The following PLAGL1 variants were observed in gnomAD, a reference collection of about 807,000 sequenced individuals.
The protein encoded by PLAGL1 is zinc finger protein PLAGL1.
PLAGL1 carries 1 observed loss-of-function variant against 4.6 expected under a neutral mutation model. That is an observed-to-expected ratio of 0.22 (90% CI 0.08 to 1.03). PLAGL1 has a LOEUF of 1.03. Ranked by LOEUF, PLAGL1 falls within the 50% of genes least tolerant of loss-of-function variation. The pLI is 0.58. For synonymous variants in PLAGL1, 240 were observed against 237.8 expected (o/e 1.01, Z -0.08); for missense variants, 464 against 570.4 (o/e 0.81, Z 1.90).
rs1554263920 is a variant in PLAGL1 at position 143,985,982 on chromosome 6, T to TATATATATATATA, written c.-583-809_-583-808insTATATATATATAT. Reference sequence around the variant, plus strand: ...TATATCAAATTATATATATATAAAATTATATATATATATATATATATATAT... The same window carrying TATATATATATATA: ...TATATCAAATTATATATATATAAAATATATATATATATATATATATATATATATATATATATAT... On this transcript the variant is annotated intron_variant, in intron 1 of 7. Coordinates refer to ENST00000674357, the MANE Select transcript of PLAGL1 (RefSeq NM_001317162.2). The surrounding 1 kb of genome is among the most constrained non-coding windows in gnomAD (Gnocchi z 4.4). 4.5e-5 allele frequency among the ~76,000 whole-genome samples: 5 copies of TATATATATATATA among 111,576 alleles called. No homozygotes were observed. Among genetic ancestry groups the TATATATATATATA allele is most frequent in the Admixed American group, 2.7e-4 (3 of 11,024 alleles). 73.2% of individuals were successfully genotyped at this position (111,576 alleles called of 152,430 possible).
chr6:143,969,207 A>G (rs78953551), intron 2 of PLAGL1, among the ~76,000 whole-genome samples: 6 of 151,932 alleles, frequency 3.9e-5, no homozygotes, highest in African/African-American at 1.5e-4. Context: ...CTATACAGTG[A>G]TGTGGTTAAG....
intron 1 of PLAGL1, among the ~76,000 whole-genome samples, chr6:144,035,143 G>C (rs1797124460): frequency 6.6e-6 from 1 of 152,252 alleles, no homozygotes; most frequent in Non-Finnish European, 1.5e-5. Context: ...TAACTAATAG[G>C]ATAGATGTAT....
Position 144,015,300 on chromosome 6 carries a change from T to A in PLAGL1, c.-150-46322A>T, listed in dbSNP as rs147728252. ...TTTTTAAAACGTGGCTACTGGAACATTTTAAATTACCTATCTAGCTTACAT... is the reference window on the plus strand; with the variant it reads ...TTTTTAAAACGTGGCTACTGGAACAATTTAAATTACCTATCTAGCTTACAT... On this transcript the variant is annotated intron_variant, in intron 1 of 3. Transcript: ENST00000437412. The surrounding 1 kb of genome is among the most constrained non-coding windows in gnomAD (Gnocchi z 4.3). Among the ~76,000 whole-genome samples the A allele has an allele frequency of 0.011, 1,736 of 152,338 alleles. 10 individuals carry two copies. Among genetic ancestry groups the A allele is most frequent in the Non-Finnish European group, 0.019 (1,326 of 68,032 alleles).
rs1353606357 is a variant in PLAGL1, at chr6:144,034,073, T to C, written c.-151+30395A>G. Among the ~76,000 whole-genome samples, 1 of 152,218 alleles carries C rather than the reference T, an allele frequency of 6.6e-6. No homozygotes were observed. Among genetic ancestry groups the C allele is most frequent in the Non-Finnish European group, 1.5e-5 (1 of 68,020 alleles). On this transcript the variant is annotated intron_variant, in intron 1 of 3. Coordinates refer to the PLAGL1 transcript ENST00000437412. The surrounding 1 kb of genome is among the most constrained non-coding windows in gnomAD (Gnocchi z 4.7). ...GGTCTCCATGTAGTACATATAAAAC[T>C]GCAGACTTCAATTTTCCTGGAGTCT...
At chr6:144,020,100 CCTT>C (rs887365957) in intron 1 of PLAGL1, among the ~76,000 whole-genome samples, 10 of 152,242 alleles carry the variant, frequency 6.6e-5, no homozygotes, top group African/African-American at 2.4e-4. Context: ...CTCACTTCCT[CCTT>C]CTCTCCCTCT....
upstream of PLAGL1, among the ~76,000 whole-genome samples, chr6:144,009,065 TAA>T (rs1794922087): frequency 6.6e-6 from 1 of 152,206 alleles, no homozygotes; most frequent in Non-Finnish European, 1.5e-5. Context: ...GTAAAAAGAT[TAA>T]GAGAGGTGTA....
Position 143,941,218 on chromosome 6 carries a change from A to T in PLAGL1, c.*206T>A, listed in dbSNP as rs1026534315. The T allele has an allele frequency of 1.4e-5, 6 of 423,186 alleles. No individual in the cohort carries two copies. The highest frequency in any genetic ancestry group is 2.5e-5 in the Non-Finnish European group (6 of 241,210). The allele number at this position is 423,186 out of a possible 1,614,324, so 26.2% of individuals were successfully genotyped here. ...CAGTTTGATTACAGAACACGCGTTC[A>T]TTAAATTTGGTACAAAGCATGAACA... On this transcript the variant is annotated 3_prime_UTR_variant, in exon 8 of 8. Coordinates refer to ENST00000674357, the MANE Select transcript of PLAGL1 (RefSeq NM_001317162.2). The surrounding 1 kb of genome is among the most constrained non-coding windows in gnomAD (Gnocchi z 6.0).
chr6:143,986,645 C>T (rs544562499), intron 1 of PLAGL1, among the ~76,000 whole-genome samples: 1 of 152,130 alleles, frequency 6.6e-6, no homozygotes, highest in Admixed American at 6.5e-5. Flanking sequence ...TGACAGACAC[C>T]TATTGTGACA....
Position 143,970,222 on chromosome 6 carries a change from A to G in PLAGL1, c.-543-1244T>C, listed in dbSNP as rs1234433600. ...ATATCAATTTGAATCTTACTAATGC[A>G]AAAGGCATAAACTTTTAGGTATAAG... On this transcript the variant is annotated intron_variant, in intron 2 of 7. Coordinates refer to ENST00000674357, the MANE Select transcript of PLAGL1 (RefSeq NM_001317162.2). The surrounding 1 kb of genome is among the most constrained non-coding windows in gnomAD (Gnocchi z 5.8). Among the ~76,000 whole-genome samples the G allele has an allele frequency of 6.6e-6, 1 of 152,238 alleles. No homozygotes were observed. Among genetic ancestry groups the G allele is most frequent in the African/African-American group, 2.4e-5 (1 of 41,464 alleles).
At chr6:143,944,936 T>C (rs1779438228) in intron 7 of PLAGL1, among the ~76,000 whole-genome samples, 1 of 151,978 alleles carries the variant, frequency 6.6e-6, no homozygotes, top group Non-Finnish European at 1.5e-5. Context: ...GGTTAACGAC[T>C]GCACCTGGTT....
chr6:144,053,344 A>T lies in PLAGL1; in HGVS notation c.-151+11124T>A, dbSNP rs949287851. ...GAGACAGGGTTTCACCATGTTAGCC[A>T]GGCTGGTCTGAAACTCCTGACCTCA... On this transcript the variant is annotated intron_variant, in intron 1 of 3. Coordinates refer to the PLAGL1 transcript ENST00000437412. This position sits in a 1 kb window ranked among gnomAD's most constrained non-coding sequence, Gnocchi z 4.0. Among the ~76,000 whole-genome samples, 1 of 152,216 alleles carries T rather than the reference A, an allele frequency of 6.6e-6. No homozygotes were observed. Among genetic ancestry groups the T allele is most frequent in the Non-Finnish European group, 1.5e-5 (1 of 68,042 alleles).
intron 1 of PLAGL1, among the ~76,000 whole-genome samples, chr6:143,996,035 G>A (rs1020906680): frequency 4.6e-5 from 7 of 152,176 alleles, no homozygotes; most frequent in South Asian, 4.1e-4. Flanking sequence ...TCCCACCATC[G>A]TCCACTCTAT....
At chr6:144,054,106 C>G (rs1798768680) in intron 1 of PLAGL1, among the ~76,000 whole-genome samples, 1 of 152,182 alleles carries the variant, frequency 6.6e-6, no homozygotes, top group African/African-American at 2.4e-5. Context: ...AAGTCTCATT[C>G]TATAACATAC....
At chr6:144,041,959 C>T (rs745669666) in intron 1 of PLAGL1, among the ~76,000 whole-genome samples, 28 of 152,162 alleles carry the variant, frequency 1.8e-4, no homozygotes, top group Non-Finnish European at 3.7e-4. Context: ...TTTCATGTGT[C>T]TGTTGGCTGC....
Position 144,047,369 on chromosome 6 carries a change from C to T in PLAGL1, c.-151+17099G>A, listed in dbSNP as rs78185614. ...CCAACTATTTACCTACCTTAACTCA[C>T]GGCATCCTCTCAACATTATAAGGTA... On this transcript the variant is annotated intron_variant, in intron 1 of 3. Transcript: ENST00000437412. Among the ~76,000 whole-genome samples the T allele has an allele frequency of 2.0e-3, 307 of 152,286 alleles. 11 individuals carry two copies. In the East Asian group the frequency reaches 0.05, roughly 25 times the overall value.
chr6:143,969,645 T>A (rs1046357366), intron 2 of PLAGL1, among the ~76,000 whole-genome samples: 5 of 151,908 alleles, frequency 3.3e-5, no homozygotes, highest in African/African-American at 4.8e-5. Flanking sequence ...ATTTTTTTTT[T>A]AAGTCAGAAC....
At chr6:144,046,678 C>T (rs1247805867) in intron 1 of PLAGL1, among the ~76,000 whole-genome samples, 2 of 152,226 alleles carry the variant, frequency 1.3e-5, no homozygotes, top group African/African-American at 4.8e-5. Context: ...TGTGTCTGTT[C>T]TCAAAGCTCA....
chr6:143,993,914 T>C (rs1379154079), intron 1 of PLAGL1, among the ~76,000 whole-genome samples: 1 of 151,894 alleles, frequency 6.6e-6, no homozygotes, highest in African/African-American at 2.4e-5. Flanking sequence ...CCGAAAAGAA[T>C]AAGACTATCA....
intron 1 of PLAGL1, among the ~76,000 whole-genome samples, chr6:144,044,316 G>C (rs1038679994): frequency 3.9e-5 from 6 of 152,174 alleles, no homozygotes; most frequent in African/African-American, 1.4e-4. Context: ...TGGGCATTTA[G>C]CGCTATAAAT....
Sources: gnomAD v4.1 joint callset for allele counts (sites outside exome capture counted in the v4.1 genomes callset) on GRCh38, gnomAD v4.1.1 for gene constraint, Gnocchi (gnomAD v3.1) non-coding constraint, MANE v1.5 for transcripts, NCBI Gene and HGNC (gene_info 2026-07-23, HGNC 2026-07-21) for gene names.